Variants in ZNF106 observed in about 807,000 individuals in gnomAD.
ZNF106 encodes the protein SH3-domain binding protein 3.
A neutral mutation model predicts 195.1 loss-of-function variants in ZNF106; 67 were observed. The observed-to-expected ratio is 0.34, with a 90% CI of 0.28 to 0.42. The LOEUF (loss-of-function observed/expected upper bound fraction) is 0.42. Among genes scored for constraint, ZNF106 ranks in the 10% least tolerant of loss-of-function variants. ZNF106 has a pLI of 1.00. For missense variants in ZNF106, 2,118 were observed against 2,304.5 expected (o/e 0.92, Z 1.66); for synonymous variants, 784 against 818.6 (o/e 0.96, Z 0.72).
rs1293154976 is a variant in ZNF106 at position 42,439,412 on chromosome 15, C to T, written c.4165G>A (p.Val1389Ile). Residue 1389 changes from valine (V) to isoleucine (I), a missense_variant, in exon 11 of 22, where the codon GTT (valine) becomes ATT (isoleucine). Val to Ile is a conservative substitution (Grantham distance 29). Coordinates refer to ENST00000564754, the MANE Select transcript of ZNF106 (RefSeq NM_001366845.3). ...RKKKSLRAAH[V>I]PENSDTEQDV... is the part of the protein sequence containing the mutation. Reference sequence around the variant, plus strand: ...TGTTCAGTGTCACTATTCTCAGGAACATGGGCAGCCCGTAGACTTTTCTTC... The same window carrying T: ...TGTTCAGTGTCACTATTCTCAGGAATATGGGCAGCCCGTAGACTTTTCTTC... 1 of 1,614,034 alleles carries T rather than the reference C, an allele frequency of 6.2e-7. No homozygotes were observed. Among genetic ancestry groups the T allele is most frequent in the Non-Finnish European group, 8.5e-7 (1 of 1,180,046 alleles).
At chr15:42,428,177 A>C (rs2054924558) in intron 14 of ZNF106, 43 bp from the exon 15 acceptor site, 1 of 1,533,870 alleles carries the variant, frequency 6.5e-7, no homozygotes, top group Non-Finnish European at 9.0e-7. Context: ...GGGTACTGGC[A>C]AATGAGATGT....
At chr15:42,428,357 T>C (rs2054931436) in intron 14 of ZNF106, among the ~76,000 whole-genome samples, 1 of 152,230 alleles carries the variant, frequency 6.6e-6, no homozygotes. Flanking sequence ...ATTCTAGTAA[T>C]GTTACCCATG....
In ZNF106 at chr15:42,427,354, A is replaced by G. The variant is rs995695987; in HGVS notation, c.4998+664T>C. Among the ~76,000 whole-genome samples the G allele has an allele frequency of 2.6e-5, 4 of 152,224 alleles. No individual in the cohort carries two copies. In the South Asian group the frequency reaches 6.2e-4, roughly 24 times the overall value. On this transcript the variant is annotated intron_variant, in intron 15 of 21. Transcript: ENST00000564754. ...GTCCAACTACCTTAACAAAGCACAC[A>G]GGGCCATCAAAAACTAAACCTTATC...
chr15:42,417,232 G>A lies in ZNF106; in HGVS notation c.*72C>T. On this transcript the variant is annotated 3_prime_UTR_variant, in exon 22 of 22. Transcript: ENST00000564754. ...CCTTACTTCACCAAGAAAGGGAAGA[G>A]AGTGGCCTGTGTGGGGGGCCAATGT... 2 of 1,517,810 alleles carry A rather than the reference G, an allele frequency of 1.3e-6. No individual in the cohort carries two copies. The highest frequency in any genetic ancestry group is 4.5e-5 in the East Asian group (2 of 44,316). The allele number at this position is 1,517,810 out of a possible 1,614,324, so 94.0% of individuals were successfully genotyped here. A position where few individuals can be genotyped will look rare whatever the true frequency, so the allele number is the denominator to read the frequency against.
chr15:42,440,905 CCTGGGAGGCAGAGG>C, intron 10 of ZNF106, among the ~76,000 whole-genome samples: 1 of 144,928 alleles, frequency 6.9e-6, no homozygotes. Context: ...ATCACTTGAA[CCTGGGAGGCAGAGG>C]TTGCCGTGAG....
Position 42,478,872 on chromosome 15 carries a change from C to T in ZNF106, c.-32-6551G>A, listed in dbSNP as rs149011099. On this transcript the variant is annotated intron_variant, in intron 1 of 21. Coordinates refer to ENST00000564754, the MANE Select transcript of ZNF106 (RefSeq NM_001366845.3). ...TCTTCCAGCATGTCACAGAGGATAC[C>T]ACATTACATTTAGTCATCATTTCTC... Among the ~76,000 whole-genome samples, 789 of 152,234 alleles carry T rather than the reference C, an allele frequency of 5.2e-3. 7 individuals carry two copies. The highest frequency in any genetic ancestry group is 0.018 in the African/African-American group (746 of 41,552).
intron 1 of ZNF106, among the ~76,000 whole-genome samples, chr15:42,478,287 C>A (rs1489932149): frequency 6.6e-6 from 1 of 152,116 alleles, no homozygotes; most frequent in Non-Finnish European, 1.5e-5. Context: ...CCACAGCCTC[C>A]CAAGTAGCTG....
Position 42,415,937 on chromosome 15 carries a change from G to A in ZNF106, c.*1367C>T. The stretch of plus-strand genomic sequence containing the variant: ...AGTAGAGACGGGGTTTTGCCATGTT[G>A]GCCAGGCTGGTCTGCAACTCCTAGC... On this transcript the variant is annotated 3_prime_UTR_variant, in exon 22 of 22. Coordinates refer to ENST00000564754, the MANE Select transcript of ZNF106 (RefSeq NM_001366845.3). 6.5e-6 allele frequency: 1 copy of A among 152,922 alleles called. No homozygotes were observed. Among genetic ancestry groups the A allele is most frequent in the South Asian group, 2.0e-4 (1 of 4,888 alleles). The allele number at this position is 152,922 out of a possible 1,614,324, so 9.5% of individuals were successfully genotyped here.
chr15:42,458,190 G>A (rs1315349232), intron 3 of ZNF106, among the ~76,000 whole-genome samples: 1 of 151,702 alleles, frequency 6.6e-6, no homozygotes, highest in African/African-American at 2.4e-5. Context: ...CACTTCCTAT[G>A]CCAATCTATT....
intron 14 of ZNF106, among the ~76,000 whole-genome samples, chr15:42,432,693 C>A (rs1363613859): frequency 1.4e-5 from 2 of 138,894 alleles, no homozygotes; most frequent in African/African-American, 2.8e-5. Context: ...GGCAACATAG[C>A]AAGACCGTAT....
At chr15:42,440,200 T>A (rs755177639) in intron 10 of ZNF106, among the ~76,000 whole-genome samples, 3 of 152,210 alleles carry the variant, frequency 2.0e-5, no homozygotes, top group Non-Finnish European at 2.9e-5. Flanking sequence ...TCCACACCCA[T>A]CCAATTTAGC....
chr15:42,456,891 G>C (rs559771942), intron 4 of ZNF106, 67 bp downstream of exon 4: 1 of 1,440,382 alleles, frequency 6.9e-7, no homozygotes, highest in African/African-American at 1.4e-5. Context: ...CCAGTACAAA[G>C]ATATAAAATA....
At position 42,438,612 on chromosome 15, in the gene ZNF106, C is replaced by G. The variant is rs777932261; in HGVS notation, c.4600G>C (p.Glu1534Gln). Reference protein sequence around the residue: ...SSIKGSKNSSEISSEPGDDDE... With the variant: ...SSIKGSKNSSQISSEPGDDDE... ...TTAAATAAAACTGAACAGCAAATACCTGAAGAATTCTTTGATCCTTTTATG... is the reference window on the plus strand; with the variant it reads ...TTAAATAAAACTGAACAGCAAATACGTGAAGAATTCTTTGATCCTTTTATG... The change falls in exon 12 of 22, where the codon GAA (glutamate) becomes CAA (glutamine). Residue 1534 changes from glutamate (E) to glutamine (Q), a missense_variant and splice_region_variant. Transcript: ENST00000564754. 6.2e-7 allele frequency: 1 copy of G among 1,612,932 alleles called. No individual in the cohort carries two copies. Among genetic ancestry groups the G allele is most frequent in the Non-Finnish European group, 8.5e-7 (1 of 1,179,328 alleles).
At chr15:42,473,110 C>T (rs1344816083) in intron 1 of ZNF106, among the ~76,000 whole-genome samples, 1 of 151,322 alleles carries the variant, frequency 6.6e-6, no homozygotes, top group Non-Finnish European at 1.5e-5. Flanking sequence ...AAACCGGAAA[C>T]TTTTTGGGTG....
chr15:42,487,388 T>C (rs1254721451), intron 1 of ZNF106, among the ~76,000 whole-genome samples: 1 of 144,832 alleles, frequency 6.9e-6, no homozygotes, highest in Non-Finnish European at 1.5e-5. Flanking sequence ...CTAAGAAGGC[T>C]GAGGTGGGAA....
chr15:42,485,687 A>AAC (rs1378051899), intron 1 of ZNF106, among the ~76,000 whole-genome samples: 1 of 152,202 alleles, frequency 6.6e-6, no homozygotes, highest in East Asian at 1.9e-4. Context: ...CTGAACACTG[A>AAC]ACTGGAATAA....
At chr15:42,432,087 T>A (rs142369529) in intron 14 of ZNF106, among the ~76,000 whole-genome samples, 1 of 152,232 alleles carries the variant, frequency 6.6e-6, no homozygotes, top group Non-Finnish European at 1.5e-5. Flanking sequence ...CCTGTACTTA[T>A]AATTGTTATA....
In ZNF106 at chr15:42,451,168, C is replaced by A. The variant is rs1258225707; in HGVS notation, c.1104G>T (p.Lys368Asn). ...SGKNGSAAREKPRRWTPYPSQ... is the reference protein window; with the variant it reads ...SGKNGSAARENPRRWTPYPSQ... The stretch of plus-strand genomic sequence containing the variant: ...AAGGGTAAGGCGTCCAGCGACGAGG[C>A]TTTTCCCTTGCCGCACTGCCATTCT... Residue 368 changes from lysine (K) to asparagine (N), a missense_variant, in exon 5 of 22, where the codon AAG (lysine) becomes AAT (asparagine). Coordinates refer to ENST00000564754, the MANE Select transcript of ZNF106 (RefSeq NM_001366845.3). 1.2e-6 allele frequency: 2 copies of A among 1,614,050 alleles called. No homozygotes were observed. The highest frequency in any genetic ancestry group is 1.7e-6 in the Non-Finnish European group (2 of 1,180,044).
At chr15:42,440,744 A>C (rs1322759092) in intron 10 of ZNF106, among the ~76,000 whole-genome samples, 1 of 151,724 alleles carries the variant, frequency 6.6e-6, no homozygotes, top group Non-Finnish European at 1.5e-5. Context: ...GCACTTTGGA[A>C]GGCTGAGGCG....
Sources: allele counts gnomAD v4.1 joint callset (sites outside exome capture counted in the v4.1 genomes callset), GRCh38; gene constraint gnomAD v4.1.1; transcripts MANE v1.5; gene names NCBI Gene and HGNC (gene_info 2026-07-23, HGNC 2026-07-21).